The following RIC1 variants were observed in gnomAD, a reference collection of about 807,000 sequenced individuals.
The protein encoded by RIC1 is RIC1 partner of RAB6A GEF complex.
Under a neutral mutation model 169.0 loss-of-function variants are expected in RIC1, and 88 were observed. That is an observed-to-expected ratio of 0.52 (90% CI 0.44 to 0.62). RIC1 has a LOEUF of 0.62. Ranked by LOEUF, RIC1 falls within the 20% of genes least tolerant of loss-of-function variation. The probability of loss-of-function intolerance (pLI) is 0.00; values close to 1 mark genes in which losing one functional copy is unlikely to be tolerated. For missense variants in RIC1, 1,877 were observed against 1,725.5 expected (o/e 1.09, Z -1.56); for synonymous variants, 790 against 601.5 (o/e 1.31, Z -4.59).
chr9:5,725,182 C>T (rs1378503283), intron 6 of RIC1, among the ~76,000 whole-genome samples: 3 of 152,070 alleles, frequency 2.0e-5, no homozygotes, highest in Admixed American at 6.6e-5. Context: ...GAATCTGTCT[C>T]GTCCTGGACT....
At chr9:5,742,252 C>T (rs922295054) in intron 8 of RIC1, among the ~76,000 whole-genome samples, 3 of 152,122 alleles carry the variant, frequency 2.0e-5, no homozygotes, top group African/African-American at 7.2e-5. Flanking sequence ...AGCTTTATCT[C>T]CTGTTCCTAA....
intron 15 of RIC1, among the ~76,000 whole-genome samples, chr9:5,755,684 AG>A (rs1333792382): frequency 6.6e-6 from 1 of 152,172 alleles, no homozygotes; most frequent in African/African-American, 2.4e-5. Context: ...GCACTTTGGG[AG>A]GCTAAGGCGG....
intron 2 of RIC1, among the ~76,000 whole-genome samples, chr9:5,680,547 G>A (rs200947668): frequency 3.9e-5 from 6 of 152,042 alleles, no homozygotes; most frequent in Admixed American, 2.0e-4. Context: ...CAGAGATTCT[G>A]CTTCTTCCTG....
At chr9:5,691,146 G>A (rs942026047) in intron 3 of RIC1, among the ~76,000 whole-genome samples, 6 of 151,918 alleles carry the variant, frequency 3.9e-5, no homozygotes, top group Admixed American at 3.3e-4. Context: ...TAGTCATTAT[G>A]TCTCAGAAAA....
intron 9 of RIC1, 68 bp downstream of exon 9, chr9:5,743,081 A>C (rs1825174487): frequency 4.1e-6 from 6 of 1,457,294 alleles, no homozygotes; most frequent in African/African-American, 1.4e-5. Flanking sequence ...GCATACAAAA[A>C]CCTTGTGTCA....
At chr9:5,679,468 A>G (rs1017558382) in intron 2 of RIC1, among the ~76,000 whole-genome samples, 24 of 152,192 alleles carry the variant, frequency 1.6e-4, no homozygotes, top group Non-Finnish European at 2.9e-4. Flanking sequence ...CTTCCTATCC[A>G]TGAGCATGGA....
intron 2 of RIC1, among the ~76,000 whole-genome samples, chr9:5,689,299 C>T (rs982752127): frequency 1.3e-5 from 2 of 152,076 alleles, no homozygotes; most frequent in African/African-American, 4.8e-5. Flanking sequence ...GATCTGCCCG[C>T]CTTGGCCTCC....
chr9:5,678,280 C>T (rs1443761120), intron 2 of RIC1, among the ~76,000 whole-genome samples: 2 of 152,134 alleles, frequency 1.3e-5, no homozygotes, highest in Admixed American at 1.3e-4. Context: ...CAAGTGTTTG[C>T]TATTGTGAAT....
chr9:5,716,962 C>T (rs535171853), intron 4 of RIC1, among the ~76,000 whole-genome samples: 16 of 152,296 alleles, frequency 1.1e-4, no homozygotes, highest in East Asian at 9.7e-4. Flanking sequence ...CAAGCCACCA[C>T]GCCTGGCTCA....
chr9:5,761,620 G>A (rs1826346316), intron 17 of RIC1, among the ~76,000 whole-genome samples: 1 of 152,060 alleles, frequency 6.6e-6, no homozygotes, highest in East Asian at 1.9e-4. Context: ...AACTTCTCTA[G>A]CACCTCAGCT....
At chr9:5,712,235 CTGT>C (rs1303871654) in intron 3 of RIC1, among the ~76,000 whole-genome samples, 4 of 152,160 alleles carry the variant, frequency 2.6e-5, no homozygotes, top group Non-Finnish European at 5.9e-5. Context: ...TCTCCAGCAC[CTGT>C]TGTTTCCTGA....
At chr9:5,657,025 A>C (rs959797069) in intron 2 of RIC1, among the ~76,000 whole-genome samples, 4 of 145,522 alleles carry the variant, frequency 2.7e-5, no homozygotes, top group African/African-American at 1.0e-4. Flanking sequence ...TTCTGTTTTG[A>C]CTCTGCTGCT....
At chr9:5,687,805 A>G (rs750379887) in intron 2 of RIC1, among the ~76,000 whole-genome samples, 1 of 151,908 alleles carries the variant, frequency 6.6e-6, no homozygotes. Context: ...TTAATTAAAT[A>G]TTTTTTTTCT....
intron 3 of RIC1, 42 bp from the exon 4 acceptor site, chr9:5,713,854 C>T (rs781075770): frequency 7.1e-7 from 1 of 1,401,546 alleles, no homozygotes; most frequent in Non-Finnish European, 1.0e-6. Flanking sequence ...AGAATGGAGG[C>T]AAATTCAGCA....
intron 4 of RIC1, among the ~76,000 whole-genome samples, chr9:5,716,713 C>A (rs1422836630): frequency 2.6e-5 from 4 of 152,230 alleles, no homozygotes; most frequent in Admixed American, 2.0e-4. Context: ...ATGAATCCTT[C>A]AGTTGGCCAG....
At chr9:5,747,875 G>C (rs1266157487) in intron 12 of RIC1, among the ~76,000 whole-genome samples, 1 of 152,152 alleles carries the variant, frequency 6.6e-6, no homozygotes, top group Non-Finnish European at 1.5e-5. Context: ...GGCAACATCA[G>C]CTAGTACTCT....
At chr9:5,639,300 C>A (rs1015125470) in intron 1 of RIC1, among the ~76,000 whole-genome samples, 46 of 152,234 alleles carry the variant, frequency 3.0e-4, no homozygotes, top group African/African-American at 1.1e-3. Flanking sequence ...GTTGTGTTTC[C>A]ATTATCATTT....
intron 8 of RIC1, among the ~76,000 whole-genome samples, chr9:5,739,933 G>C (rs1320034741): frequency 6.6e-6 from 1 of 152,182 alleles, no homozygotes; most frequent in Non-Finnish European, 1.5e-5. Flanking sequence ...TTTTGTTGCA[G>C]ATCAGCCACT....
intron 1 of RIC1, among the ~76,000 whole-genome samples, chr9:5,644,623 A>T (rs1468077057): frequency 6.6e-6 from 1 of 152,024 alleles, no homozygotes; most frequent in African/African-American, 2.4e-5. Context: ...TTTTTCCATT[A>T]TTTGCATATG....
Sources: gnomAD v4.1 joint callset for allele counts (sites outside exome capture counted in the v4.1 genomes callset) on GRCh38, gnomAD v4.1.1 for gene constraint, MANE v1.5 for transcripts, NCBI Gene and HGNC (gene_info 2026-07-23, HGNC 2026-07-21) for gene names.